KCTD8: variants seen among roughly 807,000 people sequenced by gnomAD.
KCTD8 encodes the protein potassium channel tetramerization domain containing 8.
KCTD8 carries 27 observed loss-of-function variants against 31.5 expected under a neutral mutation model. That is an observed-to-expected ratio of 0.86 (90% CI 0.63 to 1.18). The LOEUF (loss-of-function observed/expected upper bound fraction) is 1.18, where lower values mean the gene tolerates loss of function less well. KCTD8 is among the 50% of genes most tolerant of loss of function. The pLI is 0.00. For missense variants in KCTD8, 658 were observed against 647.7 expected (o/e 1.02, Z -0.17); for synonymous variants, 290 against 280.0 (o/e 1.04, Z -0.36).
chr4:44,359,206 C>T (rs1719434890), intron 1 of KCTD8, among the ~76,000 whole-genome samples: 2 of 151,420 alleles, frequency 1.3e-5, no homozygotes, highest in Non-Finnish European at 2.9e-5. Context: ...GTTGCCATTG[C>T]TTTTGGTGTT....
At chr4:44,407,535 C>T (rs764218409) in intron 1 of KCTD8, among the ~76,000 whole-genome samples, 14 of 151,900 alleles carry the variant, frequency 9.2e-5, no homozygotes, top group Admixed American at 1.3e-4. Flanking sequence ...TACAGGCATG[C>T]GCCACCATGC....
chr4:44,174,927 T>A lies in KCTD8; in HGVS notation c.1285A>T (p.Lys429Ter). The A allele has an allele frequency of 6.2e-7, 1 of 1,614,162 alleles. No homozygotes were observed. Among genetic ancestry groups the A allele is most frequent in the Non-Finnish European group, 8.5e-7 (1 of 1,180,010 alleles). ...TCCACACTTAGCTTCTCACAGACTT[T>A]CTTTTTGGACAGATTTGTTTCCCGG... The part of the protein sequence containing the change: ...KSRETNLSKK[K>*]VCEKLSVEEE... Residue 429 changes from lysine to a stop codon, truncating the protein, a stop_gained, in exon 2 of 2, where the codon AAA (lysine) becomes TAA (stop). Transcript: ENST00000360029. LOFTEE classifies it high-confidence loss of function.
In KCTD8 at chr4:44,443,241, A is replaced by T. The variant is rs150167593; in HGVS notation, c.961+4322T>A. Reference sequence around the variant, plus strand: ...AAATAAGTAGTAACTCGGGAGAAAAATAATCAACTTTTAAAATTGTGGTTA... The same window carrying T: ...AAATAAGTAGTAACTCGGGAGAAAATTAATCAACTTTTAAAATTGTGGTTA... On this transcript the variant is annotated intron_variant, in intron 1 of 1. Transcript: ENST00000360029. 7.5e-3 allele frequency among the ~76,000 whole-genome samples: 1,144 copies of T among 152,358 alleles called. 8 individuals carry two copies. The highest frequency in any genetic ancestry group is 0.02 in the Middle Eastern group (6 of 294).
intron 1 of KCTD8, among the ~76,000 whole-genome samples, chr4:44,377,464 G>A (rs193165951): frequency 2.6e-5 from 4 of 152,278 alleles, no homozygotes; most frequent in Non-Finnish European, 5.9e-5. Flanking sequence ...GGCCATTTCT[G>A]GGGGGTAGAA....
chr4:44,339,526 A>G (rs1015098455), intron 1 of KCTD8, among the ~76,000 whole-genome samples: 13 of 152,290 alleles, frequency 8.5e-5, no homozygotes, highest in Admixed American at 7.2e-4. Flanking sequence ...TATACCTCAC[A>G]ATGAAGCTTC....
intron 1 of KCTD8, among the ~76,000 whole-genome samples, chr4:44,409,948 G>T (rs924299935): frequency 5.3e-5 from 8 of 151,972 alleles, no homozygotes; most frequent in Non-Finnish European, 8.8e-5. Flanking sequence ...TTTATTGCAA[G>T]TTTCCTCAGC....
intron 1 of KCTD8, among the ~76,000 whole-genome samples, chr4:44,439,893 C>T (rs1160116042): frequency 8.6e-6 from 1 of 116,682 alleles, no homozygotes; most frequent in East Asian, 2.3e-4. Context: ...GTCCACCAAT[C>T]ATTTATTTTT....
At chr4:44,187,779 C>T (rs1577818433) in intron 1 of KCTD8, among the ~76,000 whole-genome samples, 1 of 152,098 alleles carries the variant, frequency 6.6e-6, no homozygotes, top group African/African-American at 2.4e-5. Flanking sequence ...AAAGAAGGCA[C>T]TCTGTTAATA....
At chr4:44,312,415 G>A (rs1316086436) in intron 1 of KCTD8, among the ~76,000 whole-genome samples, 1 of 152,064 alleles carries the variant, frequency 6.6e-6, no homozygotes, top group Non-Finnish European at 1.5e-5. Flanking sequence ...ATGAAGACAC[G>A]ATTAATACTG....
At chr4:44,193,227 C>T (rs1309482125) in intron 1 of KCTD8, among the ~76,000 whole-genome samples, 2 of 151,836 alleles carry the variant, frequency 1.3e-5, no homozygotes, top group Admixed American at 1.3e-4. Flanking sequence ...GATCAGGTAC[C>T]ATGCTTTATA....
intron 1 of KCTD8, among the ~76,000 whole-genome samples, chr4:44,365,554 A>C (rs1719609290): frequency 6.6e-6 from 1 of 152,208 alleles, no homozygotes; most frequent in Admixed American, 6.5e-5. Flanking sequence ...AGGTAAATGA[A>C]AACAGTCAAA....
chr4:44,317,776 A>G (rs528227538), intron 1 of KCTD8, among the ~76,000 whole-genome samples: 82 of 152,206 alleles, frequency 5.4e-4, no homozygotes, highest in African/African-American at 1.9e-3. Flanking sequence ...AAGTTTGCCA[A>G]CTCTTGATGA....
intron 1 of KCTD8, among the ~76,000 whole-genome samples, chr4:44,289,169 T>C (rs559666131): frequency 1.3e-4 from 20 of 151,666 alleles, no homozygotes; most frequent in African/African-American, 4.6e-4. Flanking sequence ...GTTTCATATG[T>C]ATGTAATTCA....
At chr4:44,196,153 G>C (rs1383421563) in intron 1 of KCTD8, among the ~76,000 whole-genome samples, 1 of 152,170 alleles carries the variant, frequency 6.6e-6, no homozygotes, top group Non-Finnish European at 1.5e-5. Context: ...AAACGCAAAT[G>C]ACAAAGCAAT....
intron 1 of KCTD8, among the ~76,000 whole-genome samples, chr4:44,238,115 C>T (rs148255113): frequency 8.3e-4 from 126 of 152,232 alleles, no homozygotes; most frequent in African/African-American, 2.8e-3. Context: ...CTATGCTCTT[C>T]GGTTACTCAA....
chr4:44,318,651 A>T (rs1448053885), intron 1 of KCTD8, among the ~76,000 whole-genome samples: 1 of 152,230 alleles, frequency 6.6e-6, no homozygotes, highest in Non-Finnish European at 1.5e-5. Flanking sequence ...GGCCGAGAAC[A>T]GCAACTTAAG....
chr4:44,385,678 A>AGG (rs1720194482), intron 1 of KCTD8, among the ~76,000 whole-genome samples: 1 of 151,658 alleles, frequency 6.6e-6, no homozygotes, highest in African/African-American at 2.4e-5. Flanking sequence ...CACATGCGAA[A>AGG]ACAGAAAAAT....
Position 44,174,830 on chromosome 4 carries a change from C to T in KCTD8, c.1382G>A (p.Arg461His), listed in dbSNP as rs141663296. 1.6e-5 allele frequency: 26 copies of T among 1,612,688 alleles called. No homozygotes were observed. The highest frequency in any genetic ancestry group is 9.4e-5 in the African/African-American group (7 of 74,778). ...HIPDYFPERK[R>H]QWQSELLQKY... ...CTGCAACAGTTCAGATTGCCATTGG[C>T]GTTTGCGCTCTGGAAAATAATCTGG... The change falls in exon 2 of 2, where the codon CGC becomes CAC. Residue 461 changes from arginine to histidine, a missense_variant. Transcript: ENST00000360029.
intron 1 of KCTD8, among the ~76,000 whole-genome samples, chr4:44,189,762 A>G (rs576038956): frequency 1.3e-5 from 2 of 152,300 alleles, no homozygotes; most frequent in Non-Finnish European, 2.9e-5. Context: ...GCCTTTGGAC[A>G]TCGTCTAAAC....
Sources: gnomAD v4.1 joint callset for allele counts (sites outside exome capture counted in the v4.1 genomes callset) on GRCh38, gnomAD v4.1.1 for gene constraint, MANE v1.5 for transcripts, NCBI Gene and HGNC (gene_info 2026-07-23, HGNC 2026-07-21) for gene names.